UQCRB: variants seen among roughly 807,000 people sequenced by gnomAD.
UQCRB encodes ubiquinol-cytochrome c reductase binding protein, also known as cytochrome b-c1 complex subunit 7.
A neutral mutation model predicts 19.8 loss-of-function variants in UQCRB; 12 were observed. That is an observed-to-expected ratio of 0.61 (90% CI 0.39 to 0.98). The LOEUF is 0.98. UQCRB is among the 50% of genes least tolerant of loss of function. UQCRB has a pLI of 0.00. For synonymous variants in UQCRB, 39 were observed against 42.9 expected, an observed-to-expected ratio of 0.91 and a Z score of 0.35; for missense variants, 142 against 131.8, an observed-to-expected ratio of 1.08 and a Z score of -0.38.
Position 96,230,213 on chromosome 8 carries a change from T to C in UQCRB, c.*842A>G. ...CCCTCAGCCTCCCGAGTAGCTGGGA[T>C]TACAGGTGCCTACCATCACGCCTAG... is the stretch of plus-strand genomic sequence containing the variant. On this transcript the variant is annotated 3_prime_UTR_variant, in exon 4 of 4. Transcript: ENST00000287022. 4.5e-6 allele frequency: 2 copies of C among 448,036 alleles called. No individual in the cohort carries two copies. Among genetic ancestry groups the C allele is most frequent in the Non-Finnish European group, 4.5e-6 (1 of 222,722 alleles). The allele number at this position is 448,036 out of a possible 1,614,324, so 27.8% of individuals were successfully genotyped here. A position where few individuals can be genotyped will look rare whatever the true frequency, so the allele number is the denominator to read the frequency against.
In UQCRB at chr8:96,235,331, G is replaced by C. The variant is rs1338161393; in HGVS notation, c.19+181C>G. 7.6e-6 allele frequency: 7 copies of C among 919,800 alleles called. No homozygotes were observed. In the African/African-American group the frequency reaches 9.8e-5, roughly 13 times the overall value. The allele number at this position is 919,800 out of a possible 1,614,324, so 57.0% of individuals were successfully genotyped here. On this transcript the variant is annotated intron_variant, in intron 1 of 3. Coordinates refer to ENST00000287022, the MANE Select transcript of UQCRB (RefSeq NM_006294.5). ...TAACATCCCAACCCTATACAGGCAA[G>C]CCCGCCCTGGGGACAGCAAACGAGT... is the stretch of plus-strand genomic sequence containing the variant.
chr8:96,233,129 A>G, intron 2 of UQCRB, 27 bp downstream of exon 2: 1 of 1,606,540 alleles, frequency 6.2e-7, no homozygotes, highest in Non-Finnish European at 8.5e-7. Context: ...ACAACAACAA[A>G]AAACATTAAA....
Position 96,225,532 on chromosome 8 carries a change from G to A in UQCRB, c.*5523C>T, listed in dbSNP as rs575981346. On this transcript the variant is annotated 3_prime_UTR_variant, in exon 4 of 4. Coordinates refer to ENST00000287022, the MANE Select transcript of UQCRB (RefSeq NM_006294.5). ...CAATATGGCGTACACCTTTCAGGTT[G>A]CATCTCCCATGTCTCTCCAGCTGAT... Among the ~76,000 whole-genome samples, 6 of 152,088 alleles carry A rather than the reference G, an allele frequency of 3.9e-5. No individual in the cohort carries two copies. Among genetic ancestry groups the A allele is most frequent in the Non-Finnish European group, 8.8e-5 (6 of 68,036 alleles).
In UQCRB at chr8:96,230,863, G is replaced by A. The variant is rs1228332633; in HGVS notation, c.*192C>T. 2 of 738,528 alleles carry A rather than the reference G, an allele frequency of 2.7e-6. No homozygotes were observed. The highest frequency in any genetic ancestry group is 2.8e-5 in the East Asian group (1 of 36,300). The allele number at this position is 738,528 out of a possible 1,614,324, so 45.7% of individuals were successfully genotyped here. A position where few individuals can be genotyped will look rare whatever the true frequency, so the allele number is the denominator to read the frequency against. ...AAACACAACTAAATATATCTTGAAA[G>A]TTTGGAAAAAAATTTAACAGTAAAG... On this transcript the variant is annotated 3_prime_UTR_variant, in exon 4 of 4. Transcript: ENST00000287022.
At chr8:96,231,467 T>C in intron 3 of UQCRB, 2 of 1,535,056 alleles carry the variant, frequency 1.3e-6, no homozygotes, top group Non-Finnish European at 1.7e-6. Flanking sequence ...AATGGGCTGA[T>C]CTTTTCATCT....
chr8:96,227,905 A>G lies in UQCRB; in HGVS notation c.*3150T>C, dbSNP rs1258106630. ...AAAAGGTGCCATTAGTAAAAACTCCATCACTAACATTTTGGTACCACTCGT... is the reference window on the plus strand; with the variant it reads ...AAAAGGTGCCATTAGTAAAAACTCCGTCACTAACATTTTGGTACCACTCGT... On this transcript the variant is annotated 3_prime_UTR_variant, in exon 4 of 4. Coordinates refer to ENST00000287022, the MANE Select transcript of UQCRB (RefSeq NM_006294.5). 2.2e-6 allele frequency: 1 copy of G among 454,180 alleles called. No homozygotes were observed. 28.1% of individuals were successfully genotyped at this position (454,180 alleles called of 1,614,324 possible).
chr8:96,234,447 A>G, intron 1 of UQCRB: 1 of 1,265,052 alleles, frequency 7.9e-7, no homozygotes, highest in Non-Finnish European at 1.0e-6. Flanking sequence ...CCAAGGTCAG[A>G]GTTAGCTAAT....
In UQCRB at chr8:96,229,678, T is replaced by A. The variant is rs544413038; in HGVS notation, c.*1377A>T. 5 of 453,780 alleles carry A rather than the reference T, an allele frequency of 1.1e-5. No homozygotes were observed. The East Asian group carries it at 3.5e-4, about 32-fold the overall frequency. The allele number at this position is 453,780 out of a possible 1,614,324, so 28.1% of individuals were successfully genotyped here. A position where few individuals can be genotyped will look rare whatever the true frequency, so the allele number is the denominator to read the frequency against. ...TCACAATGTGACCTGAGCAAAACCA[T>A]TATCAAGTGATCTAGTTGTCTTCAA... On this transcript the variant is annotated 3_prime_UTR_variant, in exon 4 of 4. Coordinates refer to ENST00000287022, the MANE Select transcript of UQCRB (RefSeq NM_006294.5).
rs1809484388 is a variant in UQCRB at position 96,223,806 on chromosome 8, T to G, written c.*7249A>C. Among the ~76,000 whole-genome samples, 1 of 152,206 alleles carries G rather than the reference T, an allele frequency of 6.6e-6. No homozygotes were observed. Among genetic ancestry groups the G allele is most frequent in the African/African-American group, 2.4e-5 (1 of 41,458 alleles). On this transcript the variant is annotated 3_prime_UTR_variant, in exon 4 of 4. Transcript: ENST00000287022. ...TTCAGAATGGACAAACCTTCTGTTT[T>G]CTATCATATGGCATCTTTTTAGCAC...
intron 1 of UQCRB, chr8:96,234,604 G>A (rs1809757262): frequency 1.2e-6 from 1 of 866,178 alleles, no homozygotes; most frequent in African/African-American, 1.8e-5. Context: ...TGTCAATTAG[G>A]TTAACGGATG....
At chr8:96,231,343 C>G (rs1421935397) in intron 3 of UQCRB, 4 of 1,546,824 alleles carry the variant, frequency 2.6e-6, no homozygotes, top group Non-Finnish European at 3.5e-6. Context: ...AGGGGGAAGT[C>G]TTTTCGGGAA....
intron 1 of UQCRB, chr8:96,234,253 A>C (rs774909982): frequency 4.2e-6 from 1 of 236,618 alleles, no homozygotes; most frequent in Non-Finnish European, 8.7e-6. Flanking sequence ...AGTATCAGTC[A>C]ACAATCTACA....
chr8:96,234,553 A>G, intron 1 of UQCRB: 1 of 1,269,092 alleles, frequency 7.9e-7, no homozygotes. Flanking sequence ...AATTAATAAA[A>G]TAATTATTTA....
rs371247478 is a variant in UQCRB at position 96,231,949 on chromosome 8, G to C, written c.92-9C>G. 11 of 1,611,490 alleles carry C rather than the reference G, an allele frequency of 6.8e-6. No homozygotes were observed. The African/African-American group carries it at 1.5e-4, about 22-fold the overall frequency. ...ATCATCTCGCATTAACCCTATGATA[G>C]ATGACAAAGTTAGATTGCACATGCA... On this transcript the variant is annotated splice_polypyrimidine_tract_variant and intron_variant, in intron 2 of 3. Transcript: ENST00000287022.
Position 96,230,436 on chromosome 8 carries a change from A to G in UQCRB, c.*619T>C. 2.2e-6 allele frequency: 1 copy of G among 453,324 alleles called. No individual in the cohort carries two copies. Among genetic ancestry groups the G allele is most frequent in the Non-Finnish European group, 4.4e-6 (1 of 226,590 alleles). 28.1% of individuals were successfully genotyped at this position (453,324 alleles called of 1,614,324 possible). The stretch of plus-strand genomic sequence containing the variant: ...ATAATCTTAAAACTTTTAACTGACT[A>G]GTATCCAACCCTTAAACTTCATAAC... On this transcript the variant is annotated 3_prime_UTR_variant, in exon 4 of 4. Transcript: ENST00000287022.
In UQCRB at chr8:96,224,424, C is replaced by A. The variant is rs943560635; in HGVS notation, c.*6631G>T. 6.6e-6 allele frequency among the ~76,000 whole-genome samples: 1 copy of A among 152,252 alleles called. No individual in the cohort carries two copies. The highest frequency in any genetic ancestry group is 3.4e-3 in the Middle Eastern group (1 of 294). ...TGGCTGGCCAAGCCCAAGCCAGAAG[C>A]CAGAAGGCAAAAGTGTCTATTTGTG... On this transcript the variant is annotated 3_prime_UTR_variant, in exon 4 of 4. Coordinates refer to ENST00000287022, the MANE Select transcript of UQCRB (RefSeq NM_006294.5).
At chr8:96,232,135 A>G in intron 2 of UQCRB, 195 bp from the exon 3 acceptor site, 10 of 611,540 alleles carry the variant, frequency 1.6e-5, no homozygotes, top group South Asian at 1.6e-4. Flanking sequence ...TTTGCCATTA[A>G]AAGTAATGAG....
chr8:96,231,484 G>A (rs1218595173), intron 3 of UQCRB: 2 of 1,534,442 alleles, frequency 1.3e-6, no homozygotes, highest in Non-Finnish European at 1.7e-6. Context: ...ATCTAAGTAG[G>A]AAGCAGAGTG....
In UQCRB at chr8:96,227,909, C is replaced by T. The variant is rs1191227798; in HGVS notation, c.*3146G>A. ...GGTGCCATTAGTAAAAACTCCATCA[C>T]TAACATTTTGGTACCACTCGTAGAG... On this transcript the variant is annotated 3_prime_UTR_variant, in exon 4 of 4. Transcript: ENST00000287022. 1 of 454,144 alleles carries T rather than the reference C, an allele frequency of 2.2e-6. No homozygotes were observed. The highest frequency in any genetic ancestry group is 2.3e-5 in the Admixed American group (1 of 42,578). The allele number at this position is 454,144 out of a possible 1,614,324, so 28.1% of individuals were successfully genotyped here.
Sources: allele counts gnomAD v4.1 joint callset (sites outside exome capture counted in the v4.1 genomes callset), GRCh38; gene constraint gnomAD v4.1.1; transcripts MANE v1.5; gene names NCBI Gene and HGNC (gene_info 2026-07-23, HGNC 2026-07-21).